The following DLGAP2 variants were observed in gnomAD, a reference collection of about 807,000 sequenced individuals.
DLGAP2 encodes the protein disks large-associated protein 2.
A neutral mutation model predicts 100.3 loss-of-function variants in DLGAP2; 26 were observed. The observed-to-expected ratio is 0.26, with a 90% CI of 0.19 to 0.36. The LOEUF (loss-of-function observed/expected upper bound fraction) is 0.36, where lower values mean the gene tolerates loss of function less well. Among genes scored for constraint, DLGAP2 ranks in the 10% least tolerant of loss-of-function variants. The pLI is 1.00. For synonymous variants in DLGAP2, 886 were observed against 630.1 expected (o/e 1.41, Z -6.08); for missense variants, 1,858 against 1,453.2 (o/e 1.28, Z -4.53).
At chr8:934,585 T>G (rs1006148635) in intron 2 of DLGAP2, among the ~76,000 whole-genome samples, 3 of 152,180 alleles carry the variant, frequency 2.0e-5, no homozygotes, top group African/African-American at 7.2e-5. Flanking sequence ...GAGTGCTCAC[T>G]TCTGCGAGGA....
intron 2 of DLGAP2, among the ~76,000 whole-genome samples, chr8:1,158,200 A>T (rs980178301): frequency 6.6e-6 from 1 of 152,220 alleles, no homozygotes; most frequent in African/African-American, 2.4e-5. Context: ...CAGTTTGAAT[A>T]AGCTATATAA....
intron 2 of DLGAP2, among the ~76,000 whole-genome samples, chr8:989,781 C>A (rs1324833543): frequency 6.6e-6 from 1 of 152,116 alleles, no homozygotes; most frequent in African/African-American, 2.4e-5. Context: ...TTTTGAGATT[C>A]AGAAATTGAG....
intron 2 of DLGAP2, among the ~76,000 whole-genome samples, chr8:1,034,159 C>T (rs1161951450): frequency 2.3e-4 from 8 of 34,104 alleles, no homozygotes; most frequent in African/African-American, 1.1e-3. Context: ...CTCACACGCT[C>T]ATCCCGACCC....
At chr8:872,426 C>T (rs942634056) in intron 1 of DLGAP2, among the ~76,000 whole-genome samples, 13 of 151,520 alleles carry the variant, frequency 8.6e-5, no homozygotes, top group East Asian at 3.9e-4. Context: ...CTCTGCCTCC[C>T]GGGTTCAAGC....
At chr8:1,069,348 G>A (rs769746261) in intron 2 of DLGAP2, among the ~76,000 whole-genome samples, 1 of 152,166 alleles carries the variant, frequency 6.6e-6, no homozygotes, top group Non-Finnish European at 1.5e-5. Flanking sequence ...CCGTGGACAG[G>A]TCGCGAGGAC....
intron 1 of DLGAP2, among the ~76,000 whole-genome samples, chr8:762,837 C>T (rs1042361314): frequency 6.6e-6 from 1 of 152,006 alleles, no homozygotes; most frequent in African/African-American, 2.4e-5. Context: ...ACCACTACAC[C>T]AGGCTAGCTT....
At chr8:1,302,216 C>T (rs1312708358) in intron 3 of DLGAP2, 1 of 151,042 alleles carries the variant, frequency 6.6e-6, no homozygotes, top group Non-Finnish European at 1.5e-5. Flanking sequence ...TCTGTGAGTT[C>T]CCGAGCTCTG....
intron 2 of DLGAP2, among the ~76,000 whole-genome samples, chr8:990,296 A>G (rs142608352): frequency 9.9e-5 from 15 of 151,134 alleles, no homozygotes; most frequent in African/African-American, 3.2e-4. Flanking sequence ...GAAGTTTTCT[A>G]TGAAAGTGGC....
intron 3 of DLGAP2, among the ~76,000 whole-genome samples, chr8:1,264,711 A>T (rs538388476): frequency 6.6e-6 from 1 of 152,286 alleles, no homozygotes; most frequent in Admixed American, 6.5e-5. Flanking sequence ...AGATAAACAT[A>T]CAGAAAAGAG....
At chr8:1,637,230 T>TA (rs963130726) in intron 8 of DLGAP2, among the ~76,000 whole-genome samples, 10 of 152,120 alleles carry the variant, frequency 6.6e-5, no homozygotes, top group African/African-American at 2.4e-4. Context: ...CCTGCGGAGT[T>TA]AAAATAAAAC....
rs762919456 is a variant in DLGAP2, at chr8:1,548,760, C to A, written c.307C>A (p.Pro103Thr). 5.0e-6 allele frequency: 8 copies of A among 1,601,022 alleles called. No individual in the cohort carries two copies. In the African/African-American group the frequency reaches 6.7e-5, roughly 13 times the overall value. ...LCSGHTCGLA[P>T]PEDCEHLHHG... is the part of the protein sequence containing the mutation. ...TTCCGGGCACACGTGTGGTCTGGCG[C>A]CCCCGGAGGACTGCGAGCACCTGCA... The change falls in exon 5 of 15, where the codon CCC becomes ACC. Residue 103 changes from proline (P) to threonine (T), a missense_variant. Coordinates refer to ENST00000637795, the MANE Select transcript of DLGAP2 (RefSeq NM_001346810.2).
At chr8:1,174,188 G>T (rs558174050) in intron 2 of DLGAP2, among the ~76,000 whole-genome samples, 1 of 152,138 alleles carries the variant, frequency 6.6e-6, no homozygotes, top group South Asian at 2.1e-4. Flanking sequence ...CATTTTCCAG[G>T]ATTCTAAGGA....
chr8:1,184,976 C>G (rs76354950), intron 2 of DLGAP2, among the ~76,000 whole-genome samples: 18,205 of 152,040 alleles, frequency 0.12, 2,140 homozygotes, highest in African/African-American at 0.31. Flanking sequence ...CTAGGGAGCT[C>G]AGACTTTAGA....
intron 3 of DLGAP2, among the ~76,000 whole-genome samples, chr8:1,485,562 T>G (rs907717119): frequency 1.3e-5 from 2 of 152,236 alleles, no homozygotes; most frequent in African/African-American, 4.8e-5. Flanking sequence ...TGCGTCCATG[T>G]GAAGATGGCG....
At chr8:981,705 C>T (rs1257642612) in intron 2 of DLGAP2, among the ~76,000 whole-genome samples, 1 of 152,100 alleles carries the variant, frequency 6.6e-6, no homozygotes, top group African/African-American at 2.4e-5. Flanking sequence ...TATTTATTAT[C>T]CATTTGTTCA....
chr8:1,270,364 T>C (rs1487250694), intron 3 of DLGAP2, among the ~76,000 whole-genome samples: 1 of 152,206 alleles, frequency 6.6e-6, no homozygotes, highest in Non-Finnish European at 1.5e-5. Context: ...ATGGGGAGAA[T>C]GAATGTGACT....
intron 10 of DLGAP2, among the ~76,000 whole-genome samples, chr8:1,672,021 G>A (rs778169321): frequency 8.5e-5 from 13 of 152,084 alleles, no homozygotes; most frequent in African/African-American, 1.9e-4. Context: ...TATCCTTTGC[G>A]GTTTGTCTCT....
chr8:1,261,038 T>G (rs1016649873), intron 3 of DLGAP2, among the ~76,000 whole-genome samples: 1 of 152,348 alleles, frequency 6.6e-6, no homozygotes, highest in Non-Finnish European at 1.5e-5. Flanking sequence ...AGGAAACGTG[T>G]TCGTTCCTGC....
At chr8:1,214,681 C>T (rs1027088513) in intron 2 of DLGAP2, among the ~76,000 whole-genome samples, 4 of 152,178 alleles carry the variant, frequency 2.6e-5, no homozygotes, top group Non-Finnish European at 5.9e-5. Context: ...ACAAGGACGG[C>T]GCCTTTCATT....
Sources: allele counts gnomAD v4.1 joint callset (sites outside exome capture counted in the v4.1 genomes callset), GRCh38; gene constraint gnomAD v4.1.1; transcripts MANE v1.5; gene names NCBI Gene and HGNC (gene_info 2026-07-23, HGNC 2026-07-21).